THSD7A: variants seen among roughly 807,000 people sequenced by gnomAD.
THSD7A encodes thrombospondin type-1 domain-containing protein 7A.
Under a neutral mutation model 231.3 loss-of-function variants are expected in THSD7A, and 96 were observed. The observed-to-expected ratio is 0.41, with a 90% CI of 0.35 to 0.49. The LOEUF is 0.49. THSD7A is among the 20% of genes least tolerant of loss of function. The probability of loss-of-function intolerance (pLI) is 0.05; values close to 1 mark genes in which losing one functional copy is unlikely to be tolerated. For synonymous variants in THSD7A, 940 were observed against 743.3 expected, an observed-to-expected ratio of 1.26 and a Z score of -4.30; for missense variants, 2,290 against 2,070.2, an observed-to-expected ratio of 1.11 and a Z score of -2.06.
At chr7:11,788,260 C>A (rs1268984455) in intron 1 of THSD7A, among the ~76,000 whole-genome samples, 1 of 152,068 alleles carries the variant, frequency 6.6e-6, no homozygotes, top group Non-Finnish European at 1.5e-5. Context: ...TTTCTTGATG[C>A]TTCTGCCACA....
chr7:11,553,213 CA>C (rs1390542458), intron 4 of THSD7A, among the ~76,000 whole-genome samples: 1 of 152,130 alleles, frequency 6.6e-6, no homozygotes, highest in African/African-American at 2.4e-5. Context: ...TTCTACTTAA[CA>C]GTTGTCCCTA....
chr7:11,461,032 G>A (rs1212431505), intron 10 of THSD7A, among the ~76,000 whole-genome samples: 1 of 152,144 alleles, frequency 6.6e-6, no homozygotes, highest in Admixed American at 6.5e-5. Flanking sequence ...ACTTTTTAAT[G>A]ATTAGGACTG....
chr7:11,580,235 C>T (rs1791097051), intron 4 of THSD7A, among the ~76,000 whole-genome samples: 5 of 152,042 alleles, frequency 3.3e-5, no homozygotes. Flanking sequence ...CTAGGAATGT[C>T]TGCATTTTCT....
At chr7:11,402,043 C>T in intron 22 of THSD7A, 75 bp from the exon 23 acceptor site, 11 of 1,248,922 alleles carry the variant, frequency 8.8e-6, no homozygotes, top group Non-Finnish European at 1.2e-5. Flanking sequence ...TTAATTCCAA[C>T]CCCAGTAGGC....
chr7:11,594,063 A>G (rs147941349), intron 2 of THSD7A, among the ~76,000 whole-genome samples: 255 of 152,288 alleles, frequency 1.7e-3, no homozygotes, highest in Admixed American at 2.0e-3. Context: ...TCAGCTGCCA[A>G]TGCGGCTAGA....
intron 4 of THSD7A, among the ~76,000 whole-genome samples, chr7:11,585,541 A>G (rs1282519840): frequency 6.6e-6 from 1 of 152,250 alleles, no homozygotes; most frequent in Non-Finnish European, 1.5e-5. Flanking sequence ...TCTGGTCACA[A>G]AAACATCACT....
chr7:11,559,916 T>C (rs1266658573), intron 4 of THSD7A, among the ~76,000 whole-genome samples: 3 of 152,208 alleles, frequency 2.0e-5, no homozygotes, highest in African/African-American at 7.2e-5. Flanking sequence ...AAGATGTGCA[T>C]ACTTCTAGGT....
At chr7:11,773,519 C>T (rs1197189161) in intron 1 of THSD7A, among the ~76,000 whole-genome samples, 2 of 151,762 alleles carry the variant, frequency 1.3e-5, no homozygotes, top group South Asian at 2.1e-4. Context: ...GCAATAAGAG[C>T]GAGACTCCAT....
Position 11,724,215 on chromosome 7 carries a change from T to A in THSD7A, c.191-87254A>T, listed in dbSNP as rs146617487. On this transcript the variant is annotated intron_variant, in intron 1 of 27. Transcript: ENST00000423059. ...ATAAAAGAATGTAGCTGCTACTTAA[T>A]GAGATGTGACATGAGTCAGAAAGTT... 3.3e-3 allele frequency among the ~76,000 whole-genome samples: 502 copies of A among 152,046 alleles called. 3 individuals carry two copies. Among genetic ancestry groups the A allele is most frequent in the Non-Finnish European group, 5.4e-3 (369 of 67,936 alleles).
intron 1 of THSD7A, among the ~76,000 whole-genome samples, chr7:11,793,522 T>TCTTAG (rs1784023583): frequency 6.6e-6 from 1 of 150,704 alleles, no homozygotes; most frequent in Non-Finnish European, 1.5e-5. Context: ...GTTTTAGAAA[T>TCTTAG]ACAATCTTAG....
At chr7:11,654,013 T>C (rs1212925408) in intron 1 of THSD7A, among the ~76,000 whole-genome samples, 2 of 152,016 alleles carry the variant, frequency 1.3e-5, no homozygotes, top group Non-Finnish European at 2.9e-5. Context: ...TCACTGAACA[T>C]TGAGGAGAAG....
intron 2 of THSD7A, among the ~76,000 whole-genome samples, chr7:11,631,904 C>A (rs748323180): frequency 2.6e-5 from 4 of 152,140 alleles, no homozygotes; most frequent in Non-Finnish European, 1.5e-5. Flanking sequence ...ATTTAACACT[C>A]ATAAGAGTTA....
chr7:11,527,354 A>T (rs1347964120), intron 6 of THSD7A, among the ~76,000 whole-genome samples: 2 of 151,384 alleles, frequency 1.3e-5, no homozygotes, highest in South Asian at 2.1e-4. Context: ...CAGGAAAAAT[A>T]AAAAAAAAGG....
intron 23 of THSD7A, among the ~76,000 whole-genome samples, chr7:11,399,954 A>G (rs1318017107): frequency 1.3e-5 from 2 of 152,134 alleles, no homozygotes; most frequent in East Asian, 1.9e-4. Flanking sequence ...AATGTGGCAC[A>G]TATACACCAT....
At chr7:11,760,473 A>T (rs184795133) in intron 1 of THSD7A, among the ~76,000 whole-genome samples, 178 of 152,230 alleles carry the variant, frequency 1.2e-3, no homozygotes, top group African/African-American at 4.2e-3. Context: ...TCATTATGTG[A>T]ATGTTCCTCA....
At chr7:11,675,188 A>C (rs1431647202) in intron 1 of THSD7A, among the ~76,000 whole-genome samples, 1 of 152,070 alleles carries the variant, frequency 6.6e-6, no homozygotes, top group Non-Finnish European at 1.5e-5. Flanking sequence ...TCCCCTAGCC[A>C]AGGGAAGCCA....
At chr7:11,543,228 C>A in intron 4 of THSD7A, 111 bp from the exon 5 acceptor site, 3 of 889,366 alleles carry the variant, frequency 3.4e-6, no homozygotes, top group Non-Finnish European at 3.4e-6. Context: ...GAAGTGCTAC[C>A]AAGACATTAT....
chr7:11,589,652 G>A (rs60927570), intron 4 of THSD7A, among the ~76,000 whole-genome samples: 10 of 152,070 alleles, frequency 6.6e-5, no homozygotes, highest in Admixed American at 2.6e-4. Flanking sequence ...GTTAATATAC[G>A]TTCAATGGGT....
chr7:11,388,359 C>A (rs1319780047), intron 23 of THSD7A, among the ~76,000 whole-genome samples: 1 of 151,998 alleles, frequency 6.6e-6, no homozygotes, highest in Non-Finnish European at 1.5e-5. Context: ...TTAATTAGTG[C>A]CTCAATTTTA....
Sources: gnomAD v4.1 joint callset for allele counts (sites outside exome capture counted in the v4.1 genomes callset) on GRCh38, gnomAD v4.1.1 for gene constraint, MANE v1.5 for transcripts, NCBI Gene and HGNC (gene_info 2026-07-23, HGNC 2026-07-21) for gene names.